Variants in FILIP1 observed in about 807,000 individuals in gnomAD.
FILIP1 encodes filamin A interacting protein 1.
Under a neutral mutation model 102.1 loss-of-function variants are expected in FILIP1, and 61 were observed. The ratio of observed to expected loss-of-function variants is 0.60; its 90% confidence interval spans 0.49 to 0.74. The LOEUF (loss-of-function observed/expected upper bound fraction) is 0.74. Among genes scored for constraint, FILIP1 ranks in the 30% least tolerant of loss-of-function variants. The probability of loss-of-function intolerance (pLI) is 0.00; values close to 1 mark genes in which losing one functional copy is unlikely to be tolerated. For synonymous variants in FILIP1, 491 were observed against 526.9 expected, an observed-to-expected ratio of 0.93 and a Z score of 0.93; for missense variants, 1,314 against 1,441.2, an observed-to-expected ratio of 0.91 and a Z score of 1.43.
At position 75,311,997 on chromosome 6, in the gene FILIP1, G is replaced by C. The variant is rs533708770; in HGVS notation, c.3435+400C>G. On this transcript the variant is annotated intron_variant, in intron 5 of 5. Transcript: ENST00000237172. Reference sequence around the variant, plus strand: ...CACATATTGAATATTTTAGTTCATAGAAACATAACCTAGGAGCAATTTTAA... The same window carrying C: ...CACATATTGAATATTTTAGTTCATACAAACATAACCTAGGAGCAATTTTAA... Among the ~76,000 whole-genome samples, 6 of 152,104 alleles carry C rather than the reference G, an allele frequency of 3.9e-5. No individual in the cohort carries two copies. In the East Asian group the frequency reaches 9.7e-4, roughly 25 times the overall value.
At chr6:75,381,822 T>G (rs1488714926) in intron 2 of FILIP1, among the ~76,000 whole-genome samples, 1 of 152,234 alleles carries the variant, frequency 6.6e-6, no homozygotes, top group Non-Finnish European at 1.5e-5. Context: ...ATTATTTAAT[T>G]TACTGCTTCT....
chr6:75,319,375 T>G, intron 4 of FILIP1: 1 of 628,406 alleles, frequency 1.6e-6, no homozygotes, highest in South Asian at 1.4e-5. Flanking sequence ...GAAGGAGAGC[T>G]CTTGGGTGCC....
rs2998381 is a variant in FILIP1 at position 75,414,602 on chromosome 6, A to C, written c.276+95T>G. On this transcript the variant is annotated intron_variant, in intron 2 of 5. Coordinates refer to ENST00000237172, the MANE Select transcript of FILIP1 (RefSeq NM_015687.5). Reference sequence around the variant, plus strand: ...GGGAAACATTCTCCTTTCCCCATAAAGTTCATTACTCAGAGAGGGGAACAG... The same window carrying C: ...GGGAAACATTCTCCTTTCCCCATAACGTTCATTACTCAGAGAGGGGAACAG... The C allele has an allele frequency of 8.4e-3, 9,720 of 1,156,838 alleles. 609 individuals carry two copies. The African/African-American group carries it at 0.13, about 16-fold the overall frequency. 71.7% of individuals were successfully genotyped at this position (1,156,838 alleles called of 1,614,324 possible).
At chr6:75,390,616 C>A (rs967587273) in intron 2 of FILIP1, among the ~76,000 whole-genome samples, 3 of 152,082 alleles carry the variant, frequency 2.0e-5, no homozygotes, top group African/African-American at 7.2e-5. Flanking sequence ...CTCACTATCA[C>A]GAGGACAGTA....
chr6:75,388,318 G>A (rs566172402), intron 2 of FILIP1, among the ~76,000 whole-genome samples: 191 of 152,262 alleles, frequency 1.3e-3, no homozygotes, highest in African/African-American at 4.4e-3. Flanking sequence ...ATAGCGTGAT[G>A]CCTCCAGCTT....
At chr6:75,331,131 A>G (rs1302297586) in intron 4 of FILIP1, among the ~76,000 whole-genome samples, 2 of 152,220 alleles carry the variant, frequency 1.3e-5, no homozygotes, top group African/African-American at 4.8e-5. Context: ...TTAGTCTTCA[A>G]GAAAATCTGG....
chr6:75,369,995 T>C (rs1417991109), intron 2 of FILIP1, among the ~76,000 whole-genome samples: 1 of 152,220 alleles, frequency 6.6e-6, no homozygotes, highest in Non-Finnish European at 1.5e-5. Context: ...AAAGAAGGCA[T>C]TCCTGCCAAA....
chr6:75,307,031 G>A (rs532589799), downstream of FILIP1, among the ~76,000 whole-genome samples: 1 of 152,222 alleles, frequency 6.6e-6, no homozygotes, highest in East Asian at 1.9e-4. Context: ...TCGAACTCCT[G>A]GCCTCAAGTG....
At chr6:75,441,818 G>T (rs542027741) in intron 1 of FILIP1, among the ~76,000 whole-genome samples, 2 of 149,088 alleles carry the variant, frequency 1.3e-5, no homozygotes, top group African/African-American at 4.9e-5. Context: ...CGGACGGGGC[G>T]GCTGGCCGGG....
At chr6:75,344,636 A>G (rs1562482585) in intron 4 of FILIP1, among the ~76,000 whole-genome samples, 2 of 152,208 alleles carry the variant, frequency 1.3e-5, no homozygotes. Context: ...CTTGCACTGG[A>G]GACCTCTGTG....
chr6:75,427,443 C>T (rs1223676786), intron 1 of FILIP1, among the ~76,000 whole-genome samples: 1 of 152,130 alleles, frequency 6.6e-6, no homozygotes, highest in Non-Finnish European at 1.5e-5. Context: ...CACTATTCTT[C>T]TTTTTCTAAT....
intron 1 of FILIP1, among the ~76,000 whole-genome samples, chr6:75,449,261 G>A (rs796977421): frequency 8.5e-5 from 13 of 152,106 alleles, no homozygotes; most frequent in African/African-American, 2.9e-4. Context: ...TCTCTCATAA[G>A]TGGGAGATAA....
intron 2 of FILIP1, among the ~76,000 whole-genome samples, chr6:75,373,448 T>C (rs1456497693): frequency 1.3e-5 from 2 of 152,106 alleles, no homozygotes; most frequent in African/African-American, 4.8e-5. Flanking sequence ...ATTACATATA[T>C]TTTACCACAA....
chr6:75,364,156 G>A (rs566356855), intron 2 of FILIP1, among the ~76,000 whole-genome samples: 39 of 152,260 alleles, frequency 2.6e-4, no homozygotes, highest in Non-Finnish European at 1.3e-4. Flanking sequence ...CCACATATAC[G>A]TATGCTCACT....
At chr6:75,473,663 T>A (rs1421624813) in intron 1 of FILIP1, 1 of 152,202 alleles carries the variant, frequency 6.6e-6, no homozygotes, top group African/African-American at 2.4e-5. Flanking sequence ...ATGTTTTATT[T>A]AAAAACATAA....
chr6:75,333,054 A>C (rs1309667058), intron 4 of FILIP1, among the ~76,000 whole-genome samples: 1 of 152,198 alleles, frequency 6.6e-6, no homozygotes, highest in African/African-American at 2.4e-5. Context: ...TCACAAATAA[A>C]ATTTGTTTAA....
intron 1 of FILIP1, among the ~76,000 whole-genome samples, chr6:75,422,966 A>C (rs1777516230): frequency 6.6e-6 from 1 of 152,182 alleles, no homozygotes; most frequent in Non-Finnish European, 1.5e-5. Context: ...AAAGCAACGG[A>C]GACAACTGGC....
intron 2 of FILIP1, among the ~76,000 whole-genome samples, chr6:75,401,056 C>T (rs956703273): frequency 1.3e-5 from 2 of 152,062 alleles, no homozygotes; most frequent in Admixed American, 1.3e-4. Flanking sequence ...CCTTTCCCCA[C>T]CCCTACTATT....
chr6:75,444,388 A>T (rs1778373353), intron 1 of FILIP1, among the ~76,000 whole-genome samples: 1 of 152,250 alleles, frequency 6.6e-6, no homozygotes, highest in South Asian at 2.1e-4. Flanking sequence ...TATTAAACAC[A>T]AATAACCAAT....
Sources: gnomAD v4.1 joint callset for allele counts (sites outside exome capture counted in the v4.1 genomes callset) on GRCh38, gnomAD v4.1.1 for gene constraint, MANE v1.5 for transcripts, NCBI Gene and HGNC (gene_info 2026-07-23, HGNC 2026-07-21) for gene names.